Variants in CEP44 observed in about 807,000 individuals in gnomAD.
CEP44 encodes centrosomal protein of 44 kDa.
CEP44 carries 45 observed loss-of-function variants against 46.7 expected under a neutral mutation model. The ratio of observed to expected loss-of-function variants is 0.96; its 90% CI spans 0.76 to 1.24. CEP44 has a LOEUF of 1.24. CEP44 is among the 50% of genes most tolerant of loss of function. The probability of loss-of-function intolerance (pLI) is 0.00; values close to 1 mark genes in which losing one functional copy is unlikely to be tolerated. For synonymous variants in CEP44, 142 were observed against 146.0 expected (o/e 0.97, Z 0.20); for missense variants, 475 against 459.7 (o/e 1.03, Z -0.30).
chr4:174,297,086 C>T lies in CEP44; in HGVS notation c.-147-880C>T, dbSNP rs930766978. The stretch of plus-strand genomic sequence containing the variant: ...TGGTATATTTTTCCCTATCCATTTA[C>T]TTTTAATCTTATAAACAAAATGGAT... On this transcript the variant is annotated intron_variant, in intron 1 of 11. Coordinates refer to ENST00000503780, the MANE Select transcript of CEP44 (RefSeq NM_001040157.3). This position sits in a 1 kb window ranked among gnomAD's most constrained non-coding sequence, Gnocchi z 4.3. Among the ~76,000 whole-genome samples the T allele has an allele frequency of 1.3e-5, 2 of 151,928 alleles. No individual in the cohort carries two copies. The highest frequency in any genetic ancestry group is 2.9e-5 in the Non-Finnish European group (2 of 67,964).
chr4:174,313,823 A>G (rs761314885), intron 9 of CEP44, among the ~76,000 whole-genome samples: 2 of 152,184 alleles, frequency 1.3e-5, no homozygotes, highest in Non-Finnish European at 2.9e-5. Flanking sequence ...TGTTTGGCTC[A>G]TGTGATTGGG....
chr4:174,304,385 G>GA lies in CEP44; in HGVS notation c.507+20dup. ...CTCAGGAAAGGTATGCAACCACAAA[G>GA]AAAATATCATATTGTTTAAGAGTTA... On this transcript the variant is annotated intron_variant, in intron 6 of 11. Transcript: ENST00000503780. 6.2e-7 allele frequency: 1 copy of GA among 1,601,438 alleles called. No individual in the cohort carries two copies. Among genetic ancestry groups the GA allele is most frequent in the Non-Finnish European group, 8.5e-7 (1 of 1,176,698 alleles).
At chr4:174,303,251 A>G (rs1056837834) in intron 4 of CEP44, among the ~76,000 whole-genome samples, 3 of 151,558 alleles carry the variant, frequency 2.0e-5, no homozygotes, top group African/African-American at 7.3e-5. Flanking sequence ...TTAGGAAACT[A>G]CTGATCTAGT....
chr4:174,310,391 A>C lies in CEP44; in HGVS notation c.885+335A>C, dbSNP rs1349420803. Among the ~76,000 whole-genome samples the C allele has an allele frequency of 1.3e-5, 2 of 152,038 alleles. No individual in the cohort carries two copies. The highest frequency in any genetic ancestry group is 2.9e-5 in the Non-Finnish European group (2 of 67,920). ...TTAATAGTACAAATAACCTATTTTC[A>C]TAGGGTAGAAAAGATACAGAAGATA... On this transcript the variant is annotated intron_variant, in intron 8 of 11. Transcript: ENST00000503780. This position sits in a 1 kb window ranked among gnomAD's most constrained non-coding sequence, Gnocchi z 4.2.
Position 174,317,448 on chromosome 4 carries a change from C to A in CEP44, c.*65C>A. The A allele has an allele frequency of 1.4e-5, 18 of 1,308,188 alleles. No homozygotes were observed. Among genetic ancestry groups the A allele is most frequent in the Non-Finnish European group, 1.8e-5 (18 of 1,003,590 alleles). 81.0% of individuals were successfully genotyped at this position (1,308,188 alleles called of 1,614,324 possible). On this transcript the variant is annotated 3_prime_UTR_variant, in exon 12 of 12. Transcript: ENST00000503780. ...ATACATATTGTATATTTTAAGAATT[C>A]TTTATACAATTTTAATATACTGCAA... is the stretch of plus-strand genomic sequence containing the variant.
rs768641529 is a variant in CEP44 at position 174,303,691 on chromosome 4, T to A, written c.238-12T>A. ...TGCTCCCAATTATTACAAGAGTCTG[T>A]TTCCTCTGCAGCTTCTTCGTGATCA... On this transcript the variant is annotated splice_polypyrimidine_tract_variant and intron_variant, in intron 4 of 11. Transcript: ENST00000503780. The A allele has an allele frequency of 6.7e-7, 1 of 1,498,756 alleles. No individual in the cohort carries two copies. Among genetic ancestry groups the A allele is most frequent in the Non-Finnish European group, 9.1e-7 (1 of 1,098,532 alleles). The allele number at this position is 1,498,756 out of a possible 1,614,324, so 92.8% of individuals were successfully genotyped here. A position where few individuals can be genotyped will look rare whatever the true frequency, so the allele number is the denominator to read the frequency against.
Position 174,325,337 on chromosome 4 carries a change from A to G in CEP44, c.1087-6145A>G, listed in dbSNP as rs1016854769. Among the ~76,000 whole-genome samples, 1 of 152,090 alleles carries G rather than the reference A, an allele frequency of 6.6e-6. No homozygotes were observed. The highest frequency in any genetic ancestry group is 2.4e-5 in the African/African-American group (1 of 41,406). ...GAAGTTTTAAATTTTTATAACATCC[A>G]TTTATAAATTTATTCATCACTGAGA... On this transcript the variant is annotated intron_variant, in intron 8 of 8. Transcript: ENST00000426172. The surrounding 1 kb of genome is among the most constrained non-coding windows in gnomAD (Gnocchi z 4.4).
In CEP44 at chr4:174,318,808, T is replaced by TG; in HGVS notation, c.*1425_*1426insG. ...AGAAAACATTTTTAGAATTCCTTTG[T>TG]TTTTTTTTTTTTTCTTTTTGAAACA... On this transcript the variant is annotated 3_prime_UTR_variant, in exon 12 of 12. Coordinates refer to ENST00000503780, the MANE Select transcript of CEP44 (RefSeq NM_001040157.3). 4.6e-6 allele frequency: 2 copies of TG among 432,504 alleles called. No individual in the cohort carries two copies. Among genetic ancestry groups the TG allele is most frequent in the Non-Finnish European group, 6.0e-6 (2 of 331,570 alleles). 26.8% of individuals were successfully genotyped at this position (432,504 alleles called of 1,614,324 possible).
rs1741018690 is a variant in CEP44, at chr4:174,310,998, A to G, written c.961+140A>G. ...AAAGAACATAATGAACCTACAGACT[A>G]CTAAAGCCAAGAATTGCTTAACTAA... On this transcript the variant is annotated intron_variant, in intron 9 of 11. Transcript: ENST00000503780. This position sits in a 1 kb window ranked among gnomAD's most constrained non-coding sequence, Gnocchi z 4.2. 1 of 487,210 alleles carries G rather than the reference A, an allele frequency of 2.1e-6. No individual in the cohort carries two copies. The highest frequency in any genetic ancestry group is 3.2e-5 in the East Asian group (1 of 31,048). 30.2% of individuals were successfully genotyped at this position (487,210 alleles called of 1,614,324 possible).
In CEP44 at chr4:174,311,117, G is replaced by A. The variant is rs541862565; in HGVS notation, c.961+259G>A. On this transcript the variant is annotated intron_variant, in intron 9 of 11. Coordinates refer to ENST00000503780, the MANE Select transcript of CEP44 (RefSeq NM_001040157.3). The surrounding 1 kb of genome is among the most constrained non-coding windows in gnomAD (Gnocchi z 4.4). The stretch of plus-strand genomic sequence containing the variant: ...AGATATTTTACTGTTTTAATCATTC[G>A]AGAATAATCAAGTGCTCTAGGATAT... Among the ~76,000 whole-genome samples the A allele has an allele frequency of 6.6e-5, 10 of 151,970 alleles. No homozygotes were observed. The highest frequency in any genetic ancestry group is 3.4e-3 in the Middle Eastern group (1 of 294).
In CEP44 at chr4:174,310,849, C is replaced by A; in HGVS notation, c.952C>A (p.Leu318Met). 1 of 1,466,784 alleles carries A rather than the reference C, an allele frequency of 6.8e-7. No individual in the cohort carries two copies. Among genetic ancestry groups the A allele is most frequent in the Middle Eastern group, 1.8e-4 (1 of 5,706 alleles). The allele number at this position is 1,466,784 out of a possible 1,614,324, so 90.9% of individuals were successfully genotyped here. A position where few individuals can be genotyped will look rare whatever the true frequency, so the allele number is the denominator to read the frequency against. Residue 318 changes from leucine to methionine, a missense_variant, in exon 9 of 12, where the codon CTG becomes ATG. By Grantham distance (15) the Leu-to-Met change is conservative. Coordinates refer to ENST00000503780, the MANE Select transcript of CEP44 (RefSeq NM_001040157.3). The surrounding 1 kb of genome is among the most constrained non-coding windows in gnomAD (Gnocchi z 4.2). ...CGCTTCTTGTAGTGACATGGACCTT[C>A]TGAATCCTCGTAAGTTTGTAAATAC... ...DYASCSDMDL[L>M]NPHRKSEVER...
At position 174,331,891 on chromosome 4, in the gene CEP44, C is replaced by T. The variant is rs1731338040; in HGVS notation, c.*296C>T. 3.6e-6 allele frequency: 1 copy of T among 276,486 alleles called. No homozygotes were observed. Among genetic ancestry groups the T allele is most frequent in the Non-Finnish European group, 6.7e-6 (1 of 148,738 alleles). 17.1% of individuals were successfully genotyped at this position (276,486 alleles called of 1,614,324 possible). On this transcript the variant is annotated 3_prime_UTR_variant, in exon 9 of 9. Transcript: ENST00000426172. The surrounding 1 kb of genome is among the most constrained non-coding windows in gnomAD (Gnocchi z 4.5). ...ATTTCTTTATTATTGTAAATGGGGG[C>T]TGTGGAAGGTGAGAAAACACATGCT...
intron 1 of CEP44, among the ~76,000 whole-genome samples, chr4:174,294,175 G>A (rs1392243527): frequency 6.6e-6 from 1 of 151,128 alleles, no homozygotes; most frequent in Non-Finnish European, 1.5e-5. Context: ...GTTTTCCTAT[G>A]CAGAGGACCC....
At chr4:174,315,095 G>C (rs1264911699) in intron 9 of CEP44, among the ~76,000 whole-genome samples, 1 of 152,192 alleles carries the variant, frequency 6.6e-6, no homozygotes, top group Non-Finnish European at 1.5e-5. Context: ...AAAAGAGACT[G>C]TGGCTCTATG....
chr4:174,331,937 T>G lies in CEP44; in HGVS notation c.*342T>G, dbSNP rs188662952. On this transcript the variant is annotated 3_prime_UTR_variant, in exon 9 of 9. Coordinates refer to the CEP44 transcript ENST00000426172. This position sits in a 1 kb window ranked among gnomAD's most constrained non-coding sequence, Gnocchi z 4.5. ...ATGCTTTCTTAAAACAGAAGCTCTC[T>G]CCTTCATTAATTTAAATATTTTTAT... The G allele has an allele frequency of 3.6e-3, 741 of 204,890 alleles. 2 individuals carry two copies. Among genetic ancestry groups the G allele is most frequent in the Non-Finnish European group, 5.7e-3 (581 of 102,514 alleles). 12.7% of individuals were successfully genotyped at this position (204,890 alleles called of 1,614,324 possible). A position where few individuals can be genotyped will look rare whatever the true frequency, so the allele number is the denominator to read the frequency against.
Position 174,331,852 on chromosome 4 carries a change from T to C in CEP44, c.*257T>C. ...CCCTCACTCATATTTTTCATGTGGG[T>C]TTATAGCTTTCATATTTCTTTATTA... is the stretch of plus-strand genomic sequence containing the variant. On this transcript the variant is annotated 3_prime_UTR_variant, in exon 9 of 9. Coordinates refer to the CEP44 transcript ENST00000426172. The surrounding 1 kb of genome is among the most constrained non-coding windows in gnomAD (Gnocchi z 4.5). 1 of 381,610 alleles carries C rather than the reference T, an allele frequency of 2.6e-6. No homozygotes were observed. Among genetic ancestry groups the C allele is most frequent in the African/African-American group, 2.0e-5 (1 of 48,802 alleles). The allele number at this position is 381,610 out of a possible 1,614,324, so 23.6% of individuals were successfully genotyped here.
In CEP44 at chr4:174,316,273, T is replaced by G. The variant is rs371826197; in HGVS notation, c.1069T>G (p.Leu357Val). The G allele has an allele frequency of 1.2e-5, 19 of 1,610,768 alleles. No individual in the cohort carries two copies. The highest frequency in any genetic ancestry group is 1.4e-5 in the Non-Finnish European group (17 of 1,177,120). ...PRASTVNYCG[L>V]NEISEETTIQ... is the part of the protein sequence containing the mutation. ...AGCCTCTACTGTTAATTACTGTGGT[T>G]TGAATGAGATTTCAGAGGTAAGAAA... The change falls in exon 10 of 12, where the codon TTG (leucine) becomes GTG (valine). Residue 357 changes from leucine to valine, a missense_variant. Physicochemically the swap from Leu to Val is conservative, Grantham distance 32. Coordinates refer to ENST00000503780, the MANE Select transcript of CEP44 (RefSeq NM_001040157.3).
At position 174,297,053 on chromosome 4, in the gene CEP44, T is replaced by C. The variant is rs962300369; in HGVS notation, c.-147-913T>C. On this transcript the variant is annotated intron_variant, in intron 1 of 11. Transcript: ENST00000503780. The surrounding 1 kb of genome is among the most constrained non-coding windows in gnomAD (Gnocchi z 4.3). ...ACTGTTCCTGCTTTCTTTTGATTAA[T>C]GTTAGCATGGTATATTTTTCCCTAT... is the stretch of plus-strand genomic sequence containing the variant. Among the ~76,000 whole-genome samples, 1 of 152,050 alleles carries C rather than the reference T, an allele frequency of 6.6e-6. No individual in the cohort carries two copies. Among genetic ancestry groups the C allele is most frequent in the Non-Finnish European group, 1.5e-5 (1 of 67,980 alleles).
chr4:174,321,748 C>G (rs925571055), downstream of CEP44, among the ~76,000 whole-genome samples: 2 of 151,958 alleles, frequency 1.3e-5, no homozygotes, highest in Non-Finnish European at 1.5e-5. Context: ...TATGGTCTTA[C>G]AAACTTTTTC....
Sources: gnomAD v4.1 joint callset for allele counts (sites outside exome capture counted in the v4.1 genomes callset) on GRCh38, gnomAD v4.1.1 for gene constraint, Gnocchi (gnomAD v3.1) non-coding constraint, MANE v1.5 for transcripts, NCBI Gene and HGNC (gene_info 2026-07-23, HGNC 2026-07-21) for gene names.